EPB41L4B: variants seen among roughly 807,000 people sequenced by gnomAD.
The protein encoded by EPB41L4B is band 4.1-like protein 4B.
A neutral mutation model predicts 112.5 loss-of-function variants in EPB41L4B; 30 were observed. That is an observed-to-expected ratio of 0.27 (90% CI 0.20 to 0.36). The LOEUF is 0.36. Among genes scored for constraint, EPB41L4B ranks in the 10% least tolerant of loss-of-function variants. EPB41L4B has a pLI of 1.00. For synonymous variants in EPB41L4B, 408 were observed against 439.7 expected (o/e 0.93, Z 0.90); for missense variants, 1,024 against 1,133.3 (o/e 0.90, Z 1.38).
At chr9:109,238,031 G>C (rs1834210884) in intron 15 of EPB41L4B, among the ~76,000 whole-genome samples, 1 of 152,054 alleles carries the variant, frequency 6.6e-6, no homozygotes. Context: ...AAGGGTGAGA[G>C]GCAAGAGACC....
chr9:109,218,356 C>T (rs897191934), intron 15 of EPB41L4B, among the ~76,000 whole-genome samples: 12 of 152,076 alleles, frequency 7.9e-5, no homozygotes, highest in Admixed American at 1.3e-4. Flanking sequence ...AAACCCCTGA[C>T]CTCAAGTGAC....
chr9:109,279,744 TC>T, intron 2 of EPB41L4B, 72 bp downstream of exon 2: 1 of 1,291,304 alleles, frequency 7.7e-7, no homozygotes, highest in Non-Finnish European at 1.1e-6. Context: ...TCTACCCATT[TC>T]TAGCAACTGT....
In EPB41L4B at chr9:109,176,632, G is replaced by T; in HGVS notation, c.2552C>A (p.Ala851Glu). ...PGPTSPLIPA[A>E]TLRPLTETVS... ...GGTCTCTGTCAAAGGCCTCAGGGTC[G>T]CTGCTGGGATCAGCGGGGAAGTCGG... is the stretch of plus-strand genomic sequence containing the variant. The change falls in exon 25 of 26, where the codon GCG (alanine) becomes GAG (glutamate). Residue 851 changes from alanine to glutamate, a missense_variant. Physicochemically the swap from Ala to Glu is moderately radical, Grantham distance 107. Coordinates refer to ENST00000374566, the MANE Select transcript of EPB41L4B (RefSeq NM_019114.5). 1 of 1,614,002 alleles carries T rather than the reference G, an allele frequency of 6.2e-7. No homozygotes were observed. The highest frequency in any genetic ancestry group is 8.5e-7 in the Non-Finnish European group (1 of 1,179,964).
intron 1 of EPB41L4B, among the ~76,000 whole-genome samples, chr9:109,313,629 G>A (rs992008531): frequency 7.2e-5 from 11 of 152,240 alleles, no homozygotes; most frequent in Non-Finnish European, 1.2e-4. Context: ...TTGTGGTGAG[G>A]AGGGTCAGAG....
At chr9:109,175,393 GT>G (rs1338184288) in intron 25 of EPB41L4B, among the ~76,000 whole-genome samples, 1 of 151,374 alleles carries the variant, frequency 6.6e-6, no homozygotes, top group African/African-American at 2.4e-5. Context: ...AAAATTGGCT[GT>G]TTTGAGAAGT....
At chr9:109,189,715 G>T (rs1021265258) in intron 22 of EPB41L4B, among the ~76,000 whole-genome samples, 2 of 151,952 alleles carry the variant, frequency 1.3e-5, no homozygotes, top group Admixed American at 1.3e-4. Context: ...TGCAACCTCT[G>T]CCTCTGGGGG....
rs576329586 is a variant in EPB41L4B, at chr9:109,195,660, A to G, written c.2046-1263T>C. ...TGTGAAATTATTTGTTCAAGTTCGC[A>G]AAGCTAGTTAAGTGGAGGAGCGGGG... On this transcript the variant is annotated intron_variant, in intron 20 of 25. Coordinates refer to ENST00000374566, the MANE Select transcript of EPB41L4B (RefSeq NM_019114.5). Among the ~76,000 whole-genome samples, 5 of 152,368 alleles carry G rather than the reference A, an allele frequency of 3.3e-5. No homozygotes were observed. The East Asian group carries it at 9.6e-4, about 29-fold the overall frequency.
intron 24 of EPB41L4B, among the ~76,000 whole-genome samples, chr9:109,180,641 C>T (rs1254557301): frequency 6.6e-6 from 1 of 152,208 alleles, no homozygotes; most frequent in Non-Finnish European, 1.5e-5. Flanking sequence ...TCAGCCACTG[C>T]TCTCTCCCTC....
At chr9:109,225,269 G>T (rs1201642046) in intron 15 of EPB41L4B, among the ~76,000 whole-genome samples, 1 of 152,222 alleles carries the variant, frequency 6.6e-6, no homozygotes, top group Non-Finnish European at 1.5e-5. Flanking sequence ...TCTTGTGCCT[G>T]GTACTGTGCC....
At chr9:109,200,402 G>T in intron 19 of EPB41L4B, 68 bp from the exon 20 acceptor site, 1 of 1,249,878 alleles carries the variant, frequency 8.0e-7, no homozygotes, top group South Asian at 1.2e-5. Context: ...TAGCCATAGG[G>T]ACTGCTTTCT....
intron 15 of EPB41L4B, among the ~76,000 whole-genome samples, chr9:109,218,015 T>C (rs1384902776): frequency 6.6e-6 from 1 of 152,018 alleles, no homozygotes; most frequent in East Asian, 1.9e-4. Flanking sequence ...TCTCTGCTCG[T>C]TCCTTTAGTC....
At chr9:109,285,286 T>C (rs1836229536) in intron 1 of EPB41L4B, among the ~76,000 whole-genome samples, 1 of 152,190 alleles carries the variant, frequency 6.6e-6, no homozygotes, top group South Asian at 2.1e-4. Context: ...ATCTCACTTT[T>C]CTGATGTTTC....
At chr9:109,291,272 C>T (rs1836517543) in intron 1 of EPB41L4B, among the ~76,000 whole-genome samples, 2 of 152,204 alleles carry the variant, frequency 1.3e-5, no homozygotes, top group South Asian at 2.1e-4. Flanking sequence ...CAAGCACATA[C>T]AATATGCCTT....
intron 5 of EPB41L4B, among the ~76,000 whole-genome samples, chr9:109,263,629 A>C (rs1304099091): frequency 1.3e-5 from 2 of 152,252 alleles, no homozygotes; most frequent in Non-Finnish European, 2.9e-5. Flanking sequence ...CAGTGATCTC[A>C]TTCATACGTA....
At chr9:109,256,632 T>C in intron 7 of EPB41L4B, 152 bp from the exon 8 acceptor site, 1 of 661,748 alleles carries the variant, frequency 1.5e-6, no homozygotes, top group Admixed American at 2.9e-5. Flanking sequence ...AAGACCTTAC[T>C]GTTAATTGAC....
At chr9:109,182,700 A>G (rs759073663) in intron 24 of EPB41L4B, 29 bp downstream of exon 24, 2 of 1,562,056 alleles carry the variant, frequency 1.3e-6, no homozygotes, top group Admixed American at 1.7e-5. Flanking sequence ...AGGGTTTAAA[A>G]TGCACATCTG....
intron 15 of EPB41L4B, among the ~76,000 whole-genome samples, chr9:109,231,853 TTAC>T (rs2118910424): frequency 6.6e-6 from 1 of 152,316 alleles, no homozygotes; most frequent in South Asian, 2.1e-4. Flanking sequence ...GTCCAGAGAA[TTAC>T]TATTTCATGA....
At chr9:109,284,751 C>T (rs1182557464) in intron 1 of EPB41L4B, among the ~76,000 whole-genome samples, 1 of 152,200 alleles carries the variant, frequency 6.6e-6, no homozygotes, top group African/African-American at 2.4e-5. Context: ...TTGTCAGAGA[C>T]CAAATACAAT....
chr9:109,285,460 G>GT (rs1240421989), intron 1 of EPB41L4B, among the ~76,000 whole-genome samples: 1 of 152,126 alleles, frequency 6.6e-6, no homozygotes, highest in Non-Finnish European at 1.5e-5. Context: ...CAACTCTGAT[G>GT]CTTTTTTAAA....
Sources: allele counts gnomAD v4.1 joint callset (sites outside exome capture counted in the v4.1 genomes callset), GRCh38; gene constraint gnomAD v4.1.1; transcripts MANE v1.5; gene names NCBI Gene and HGNC (gene_info 2026-07-23, HGNC 2026-07-21).